FRMD3: variants seen among roughly 807,000 people sequenced by gnomAD.
FRMD3 encodes FERM domain containing 3, also known as FERM domain-containing protein 3.
Under a neutral mutation model 70.2 loss-of-function variants are expected in FRMD3, and 33 were observed. The observed-to-expected ratio is 0.47, with a 90% confidence interval of 0.36 to 0.63. FRMD3 has a LOEUF of 0.63. Among genes scored for constraint, FRMD3 ranks in the 20% least tolerant of loss-of-function variants. FRMD3 has a pLI of 0.00. For synonymous variants in FRMD3, 279 were observed against 255.9 expected (o/e 1.09, Z -0.86); for missense variants, 632 against 711.4 (o/e 0.89, Z 1.27).
intron 8 of FRMD3, among the ~76,000 whole-genome samples, chr9:83,311,507 AGAG>A (rs1461272532): frequency 6.6e-6 from 1 of 152,178 alleles, no homozygotes; most frequent in African/African-American, 2.4e-5. Flanking sequence ...AGGACTCAAC[AGAG>A]GAGAAGAGTG....
At chr9:83,570,570 G>A in the FRMD3 span, among the ~76,000 whole-genome samples, 2 of 152,234 alleles carry the variant, frequency 1.3e-5, no homozygotes, top group Non-Finnish European at 2.9e-5. Context: ...GGTCTTAGTA[G>A]CTGGACTGGA....
intron 1 of FRMD3, among the ~76,000 whole-genome samples, chr9:83,427,519 T>A (rs1055292285): frequency 6.6e-6 from 1 of 152,214 alleles, no homozygotes; most frequent in Non-Finnish European, 1.5e-5. Flanking sequence ...CCATATTTGA[T>A]TCATTCAATA....
At chr9:83,562,037 G>T in the FRMD3 span, among the ~76,000 whole-genome samples, 2 of 152,152 alleles carry the variant, frequency 1.3e-5, no homozygotes, top group African/African-American at 4.8e-5. Flanking sequence ...TTATTCTATT[G>T]TATATTTGGA....
intron 3 of FRMD3, among the ~76,000 whole-genome samples, chr9:83,362,796 CTTCCT>C (rs1189660499): frequency 7.5e-6 from 1 of 133,148 alleles, no homozygotes; most frequent in Non-Finnish European, 1.6e-5. Flanking sequence ...TCCCTCCTTC[CTTCCT>C]TTTTCCTTCC....
chr9:83,397,413 G>A (rs1587814497), intron 1 of FRMD3, among the ~76,000 whole-genome samples: 2 of 152,194 alleles, frequency 1.3e-5, no homozygotes, highest in African/African-American at 4.8e-5. Context: ...AACATCCTCA[G>A]CGGACACAGC....
the FRMD3 span, among the ~76,000 whole-genome samples, chr9:83,584,755 T>C: frequency 6.6e-6 from 1 of 152,162 alleles, no homozygotes; most frequent in African/African-American, 2.4e-5. Context: ...GGAGCCCAAA[T>C]GCCTGGGTTC....
the FRMD3 span, among the ~76,000 whole-genome samples, chr9:83,550,340 T>G: frequency 2.6e-5 from 4 of 152,188 alleles, no homozygotes; most frequent in Non-Finnish European, 5.9e-5. Flanking sequence ...GCTGTTTTGG[T>G]CACTGTAGAC....
intron 1 of FRMD3, among the ~76,000 whole-genome samples, chr9:83,456,587 T>C (rs532219914): frequency 5.8e-4 from 89 of 152,224 alleles, no homozygotes; most frequent in Non-Finnish European, 1.2e-3. Context: ...ATTATGTTCA[T>C]CAAACTACAT....
intron 9 of FRMD3, 63 bp from the exon 10 acceptor site, chr9:83,309,687 T>A: frequency 1.0e-6 from 1 of 967,048 alleles, no homozygotes; most frequent in East Asian, 2.7e-5. Context: ...TTCCATGGGT[T>A]TTTTTTTTTC....
At chr9:83,267,424 AC>A in intron 13 of FRMD3, 5 of 612,492 alleles carry the variant, frequency 8.2e-6, no homozygotes, top group Non-Finnish European at 9.5e-6. Flanking sequence ...AAAACAGAGG[AC>A]CCTGTCCAAA....
rs568157987 is a variant in FRMD3 at position 83,296,651 on chromosome 9, G to C, written c.1070+2097C>G. Among the ~76,000 whole-genome samples, 121 of 152,296 alleles carry C rather than the reference G, an allele frequency of 7.9e-4. No homozygotes were observed. The Middle Eastern group carries it at 0.01, about 13-fold the overall frequency. The stretch of plus-strand genomic sequence containing the variant: ...AGGTGGAACAGAAAGAGCATTCAAA[G>C]CAGGTCTCAAGGGCCCCCAGGTCCT... On this transcript the variant is annotated intron_variant, in intron 12 of 13. Transcript: ENST00000304195.
chr9:83,391,782 G>T (rs1352859597), intron 1 of FRMD3, among the ~76,000 whole-genome samples: 1 of 152,168 alleles, frequency 6.6e-6, no homozygotes, highest in Admixed American at 6.5e-5. Flanking sequence ...CCAAAAACCA[G>T]GTCAGGCCAA....
chr9:83,402,898 CTTTTTTTTTTT>C (rs559570925), intron 1 of FRMD3, among the ~76,000 whole-genome samples: 48 of 87,296 alleles, frequency 5.5e-4, no homozygotes, highest in African/African-American at 2.0e-3. Context: ...TTCTTTCTTT[CTTTTTTTTTTT>C]TTTTTTTTTT....
intron 1 of FRMD3, among the ~76,000 whole-genome samples, chr9:83,464,794 G>A (rs910437700): frequency 2.0e-5 from 3 of 152,056 alleles, no homozygotes; most frequent in Admixed American, 6.6e-5. Context: ...CAAGGTGGGC[G>A]GACCACTTGA....
chr9:83,416,780 TCTCTCTCA>T (rs754247046), intron 1 of FRMD3, among the ~76,000 whole-genome samples: 3,377 of 103,362 alleles, frequency 0.033, 74 homozygotes, highest in African/African-American at 0.04. Context: ...TCTCTCTCTC[TCTCTCTCA>T]CTCTCTCTCT....
At chr9:83,470,995 G>A (rs1309580038) in intron 1 of FRMD3, among the ~76,000 whole-genome samples, 1 of 152,216 alleles carries the variant, frequency 6.6e-6, no homozygotes, top group Non-Finnish European at 1.5e-5. Context: ...GCAAACAGCA[G>A]TAGAGAACAA....
intron 1 of FRMD3, among the ~76,000 whole-genome samples, chr9:83,517,494 C>CAAAAA (rs59178344): frequency 2.9e-3 from 189 of 65,450 alleles, no homozygotes; most frequent in Non-Finnish European, 3.4e-3. Context: ...CCTACCAATC[C>CAAAAA]AAAAAAAAAA....
the FRMD3 span, among the ~76,000 whole-genome samples, chr9:83,584,872 T>C: frequency 3.1e-4 from 47 of 152,316 alleles, no homozygotes; most frequent in South Asian, 8.3e-4. Context: ...TCACGCAGTG[T>C]TAGCTCTATT....
intron 1 of FRMD3, among the ~76,000 whole-genome samples, chr9:83,483,072 T>A (rs939955812): frequency 6.6e-6 from 1 of 152,156 alleles, no homozygotes; most frequent in African/African-American, 2.4e-5. Context: ...CCCACACAAA[T>A]GTGATTTGAA....
Sources: allele counts gnomAD v4.1 joint callset (sites outside exome capture counted in the v4.1 genomes callset), GRCh38; gene constraint gnomAD v4.1.1; transcripts MANE v1.5; gene names NCBI Gene and HGNC (gene_info 2026-07-23, HGNC 2026-07-21).